The following MYLK3 variants were observed in gnomAD, a reference collection of about 807,000 sequenced individuals.
MYLK3 encodes the protein myosin light chain kinase 3, also known as MLC kinase.
Under a neutral mutation model 76.3 loss-of-function variants are expected in MYLK3, and 55 were observed. The observed-to-expected ratio is 0.72, with a 90% confidence interval of 0.58 to 0.90. The LOEUF (loss-of-function observed/expected upper bound fraction) is 0.90, where lower values mean the gene tolerates loss of function less well. Among genes scored for constraint, MYLK3 ranks in the 40% least tolerant of loss-of-function variants. MYLK3 has a pLI of 0.00. For synonymous variants in MYLK3, 416 were observed against 425.4 expected (o/e 0.98, Z 0.27); for missense variants, 973 against 1,053.6 (o/e 0.92, Z 1.06).
At chr16:46,737,486 T>A (rs923706771) in intron 3 of MYLK3, among the ~76,000 whole-genome samples, 19 of 152,128 alleles carry the variant, frequency 1.2e-4, no homozygotes, top group African/African-American at 4.6e-4. Context: ...TCAATCAACA[T>A]CTCCAGGCAT....
upstream of MYLK3, among the ~76,000 whole-genome samples, chr16:46,749,538 C>T (rs1171895531): frequency 2.6e-5 from 4 of 152,306 alleles, no homozygotes; most frequent in East Asian, 7.7e-4. Flanking sequence ...AGGCGGATTG[C>T]TTGTGTCCAG....
In MYLK3 at chr16:46,753,389, G is replaced by A. The variant is rs145747696; in HGVS notation, c.-114+9651C>T. Among the ~76,000 whole-genome samples, 782 of 152,284 alleles carry A rather than the reference G, an allele frequency of 5.1e-3. 4 individuals carry two copies. The highest frequency in any genetic ancestry group is 0.017 in the African/African-American group (725 of 41,550). ...ACAATAGTTCCAGGGGCTGGCTTTT[G>A]GGGTTCCTCAGGAGCGTCCCACCTG... On this transcript the variant is annotated intron_variant, in intron 1 of 11. Transcript: ENST00000536476.
chr16:46,717,600 C>CA (rs924484409), intron 9 of MYLK3, among the ~76,000 whole-genome samples: 10 of 152,242 alleles, frequency 6.6e-5, no homozygotes, highest in African/African-American at 1.9e-4. Context: ...GCGCCCCCCC[C>CA]ACCTCCCCTC....
intron 3 of MYLK3, among the ~76,000 whole-genome samples, chr16:46,734,907 T>C (rs1194815988): frequency 1.3e-5 from 2 of 152,130 alleles, no homozygotes; most frequent in African/African-American, 4.8e-5. Flanking sequence ...TTTGGGAGGC[T>C]GAGGCAGGAG....
intron 1 of MYLK3, among the ~76,000 whole-genome samples, chr16:46,755,750 C>T (rs886629213): frequency 5.3e-5 from 8 of 152,058 alleles, no homozygotes; most frequent in Non-Finnish European, 8.8e-5. Flanking sequence ...CACATACCCT[C>T]ATGGAGTGGT....
chr16:46,757,297 C>T, intron 1 of MYLK3: 2 of 888,076 alleles, frequency 2.3e-6, no homozygotes, highest in Non-Finnish European at 2.7e-6. Flanking sequence ...TTTCTGCTGA[C>T]TTTCTTGGCG....
At chr16:46,743,124 G>T (rs1966961440) in intron 1 of MYLK3, among the ~76,000 whole-genome samples, 1 of 152,182 alleles carries the variant, frequency 6.6e-6, no homozygotes, top group South Asian at 2.1e-4. Context: ...CTAGAAGACT[G>T]GTGCCTCTGA....
At chr16:46,721,100 G>C (rs750031588) in intron 9 of MYLK3, 23 bp downstream of exon 9, 6 of 1,605,508 alleles carry the variant, frequency 3.7e-6, no homozygotes, top group Non-Finnish European at 5.1e-6. Flanking sequence ...TTTTGTTAAG[G>C]TATCTAAATA....
intron 3 of MYLK3, among the ~76,000 whole-genome samples, chr16:46,737,106 G>A (rs899549782): frequency 2.0e-5 from 3 of 152,184 alleles, no homozygotes; most frequent in Non-Finnish European, 4.4e-5. Context: ...ATTAAATGCC[G>A]ACTTGAGGAA....
In MYLK3 at chr16:46,737,561, C is replaced by A. The variant is rs548090718; in HGVS notation, c.1001+150G>T. The A allele has an allele frequency of 3.4e-4, 243 of 712,054 alleles. 1 individual carries two copies. The African/African-American group carries it at 4.0e-3, about 12-fold the overall frequency. The allele number at this position is 712,054 out of a possible 1,614,324, so 44.1% of individuals were successfully genotyped here. On this transcript the variant is annotated intron_variant, in intron 3 of 12. Transcript: ENST00000394809. Reference sequence around the variant, plus strand: ...AGCCGGTGAGCACTGGTACTCTAAGCTCCCAGAGGCAGGGCCCAGGCCTCC... The same window carrying A: ...AGCCGGTGAGCACTGGTACTCTAAGATCCCAGAGGCAGGGCCCAGGCCTCC...
intron 1 of MYLK3, among the ~76,000 whole-genome samples, chr16:46,755,458 C>CA (rs764545267): frequency 0.012 from 1,039 of 87,240 alleles, 3 homozygotes; most frequent in Non-Finnish European, 0.017. Context: ...AACTCTGTCT[C>CA]AAAAAAAAAA....
At chr16:46,717,043 T>C (rs1966747663) in intron 9 of MYLK3, among the ~76,000 whole-genome samples, 1 of 152,156 alleles carries the variant, frequency 6.6e-6, no homozygotes, top group African/African-American at 2.4e-5. Context: ...TTTGAGCCAT[T>C]CCAGCAAATT....
At chr16:46,745,176 T>C (rs1967001357) in intron 1 of MYLK3, among the ~76,000 whole-genome samples, 1 of 152,226 alleles carries the variant, frequency 6.6e-6, no homozygotes, top group African/African-American at 2.4e-5. Flanking sequence ...GCTTGGTATT[T>C]CCACTGCCAG....
chr16:46,737,303 G>A (rs1325272126), intron 3 of MYLK3, among the ~76,000 whole-genome samples: 1 of 152,190 alleles, frequency 6.6e-6, no homozygotes, highest in African/African-American at 2.4e-5. Context: ...TGAACCCGGT[G>A]AAATGCCCAG....
At chr16:46,757,599 G>A in intron 1 of MYLK3, 1 of 985,424 alleles carries the variant, frequency 1.0e-6, no homozygotes, top group South Asian at 4.7e-5. Context: ...AATGAGGTGG[G>A]CTGGCTGGCC....
At chr16:46,710,409 T>C (rs564849773) in intron 11 of MYLK3, among the ~76,000 whole-genome samples, 4 of 152,386 alleles carry the variant, frequency 2.6e-5, no homozygotes, top group Admixed American at 2.0e-4. Flanking sequence ...AATCTACATA[T>C]GCTTCTTTCT....
intron 1 of MYLK3, chr16:46,757,488 A>G: frequency 1.0e-6 from 1 of 985,406 alleles, no homozygotes; most frequent in Non-Finnish European, 1.2e-6. Context: ...GCAGTGCTGG[A>G]GTGGGGCACA....
chr16:46,750,824 T>C (rs1256704139), upstream of MYLK3, among the ~76,000 whole-genome samples: 1 of 149,452 alleles, frequency 6.7e-6, no homozygotes, highest in Non-Finnish European at 1.5e-5. Flanking sequence ...ATCCCATCTC[T>C]ACTAAAAAAA....
Position 46,748,156 on chromosome 16 carries a change from C to T in MYLK3, c.38G>A (p.Gly13Glu). 1 of 1,614,060 alleles carries T rather than the reference C, an allele frequency of 6.2e-7. No individual in the cohort carries two copies. Among genetic ancestry groups the T allele is most frequent in the East Asian group, 2.2e-5 (1 of 44,892 alleles). ...GTSKESLGHG[G>E]LPGLGKTCLT... The stretch of plus-strand genomic sequence containing the variant: ...GCAGGTCTTGCCCAACCCTGGCAGC[C>T]CCCCATGCCCCAGACTCTCCTTGGA... The change falls in exon 1 of 13, where the codon GGG becomes GAG. Residue 13 changes from glycine to glutamate, a missense_variant. Physicochemically the swap from Gly to Glu is moderately conservative, Grantham distance 98. This residue lies in a region of MYLK3 where 641 missense variants were observed against 637.0 expected (regional missense o/e 1.01). Transcript: ENST00000394809. This position sits in a 1 kb window ranked among gnomAD's most constrained non-coding sequence, Gnocchi z 4.3.
Sources: allele counts gnomAD v4.1 joint callset (sites outside exome capture counted in the v4.1 genomes callset), GRCh38; gene constraint gnomAD v4.1.1; regional missense constraint gnomAD v4.1.1; non-coding constraint Gnocchi (gnomAD v3.1); transcripts MANE v1.5; gene names NCBI Gene and HGNC (gene_info 2026-07-23, HGNC 2026-07-21).